Variants in MMRN2 observed in about 807,000 individuals in gnomAD.
The protein encoded by MMRN2 is multimerin 2.
MMRN2 carries 53 observed loss-of-function variants against 68.8 expected under a neutral mutation model. The ratio of observed to expected loss-of-function variants is 0.77; its 90% CI spans 0.62 to 0.97. The LOEUF (loss-of-function observed/expected upper bound fraction) is 0.97, where lower values mean the gene tolerates loss of function less well. Among genes scored for constraint, MMRN2 ranks in the 50% least tolerant of loss-of-function variants. The pLI is 0.00. For missense variants in MMRN2, 1,266 were observed against 1,259.5 expected (o/e 1.01, Z -0.08); for synonymous variants, 564 against 551.6 (o/e 1.02, Z -0.32).
chr10:86,936,467 G>A lies in MMRN2; in HGVS notation c.*276C>T. ...ATACAGGGTGTGGTGAAGAGTTGGAGCCCAGGCCGTGCTGTCTGAGAAGGC... is the reference window on the plus strand; with the variant it reads ...ATACAGGGTGTGGTGAAGAGTTGGAACCCAGGCCGTGCTGTCTGAGAAGGC... On this transcript the variant is annotated 3_prime_UTR_variant, in exon 7 of 7. Coordinates refer to ENST00000372027, the MANE Select transcript of MMRN2 (RefSeq NM_024756.3). The A allele has an allele frequency of 1.8e-6, 1 of 547,140 alleles. No homozygotes were observed. The highest frequency in any genetic ancestry group is 1.9e-5 in the African/African-American group (1 of 53,524). The allele number at this position is 547,140 out of a possible 1,614,324, so 33.9% of individuals were successfully genotyped here. A position where few individuals can be genotyped will look rare whatever the true frequency, so the allele number is the denominator to read the frequency against.
chr10:86,939,103 C>T lies in MMRN2; in HGVS notation c.2468-1978G>A, dbSNP rs146483262. Among the ~76,000 whole-genome samples, 12 of 133,488 alleles carry T rather than the reference C, an allele frequency of 9.0e-5. 1 individual carries two copies. Among genetic ancestry groups the T allele is most frequent in the African/African-American group, 3.4e-4 (12 of 35,596 alleles). The allele number at this position is 133,488 out of a possible 152,430, so 87.6% of individuals were successfully genotyped here. A position where few individuals can be genotyped will look rare whatever the true frequency, so the allele number is the denominator to read the frequency against. ...CTTGCACCCGGGAGGCGGAGGTTGCCGTGAGCCGAGATCACGCCGTTGCAC... is the reference window on the plus strand; with the variant it reads ...CTTGCACCCGGGAGGCGGAGGTTGCTGTGAGCCGAGATCACGCCGTTGCAC... On this transcript the variant is annotated intron_variant, in intron 6 of 6. Coordinates refer to ENST00000372027, the MANE Select transcript of MMRN2 (RefSeq NM_024756.3).
At chr10:86,952,880 C>A (rs1009747140) in intron 1 of MMRN2, among the ~76,000 whole-genome samples, 1 of 152,190 alleles carries the variant, frequency 6.6e-6, no homozygotes, top group African/African-American at 2.4e-5. Flanking sequence ...CAGTCCTTAT[C>A]ACAACCGCAT....
intron 1 of MMRN2, among the ~76,000 whole-genome samples, chr10:86,950,342 AAAT>A (rs914912383): frequency 1.8e-4 from 28 of 152,018 alleles, no homozygotes; most frequent in African/African-American, 6.8e-4. Context: ...TCCGTCTCAA[AAAT>A]AATAATAATA....
intron 6 of MMRN2, among the ~76,000 whole-genome samples, chr10:86,941,148 A>G (rs1337321945): frequency 1.3e-5 from 2 of 152,222 alleles, no homozygotes; most frequent in African/African-American, 4.8e-5. Context: ...AAGCCCAGGA[A>G]GGGGACTAGC....
Position 86,936,352 on chromosome 10 carries a change from G to A in MMRN2, c.*391C>T. ...AATGTCTTTCTATCATACGATAAGGGAGAAGAGAAGAGGAAGCAAGAGAAA... is the reference window on the plus strand; with the variant it reads ...AATGTCTTTCTATCATACGATAAGGAAGAAGAGAAGAGGAAGCAAGAGAAA... On this transcript the variant is annotated 3_prime_UTR_variant, in exon 7 of 7. Transcript: ENST00000372027. 1 of 439,266 alleles carries A rather than the reference G, an allele frequency of 2.3e-6. No individual in the cohort carries two copies. Among genetic ancestry groups the A allele is most frequent in the African/African-American group, 2.0e-5 (1 of 50,192 alleles). The allele number at this position is 439,266 out of a possible 1,614,324, so 27.2% of individuals were successfully genotyped here.
At chr10:86,955,048 G>A (rs1844199863) in intron 1 of MMRN2, among the ~76,000 whole-genome samples, 2 of 152,224 alleles carry the variant, frequency 1.3e-5, no homozygotes, top group South Asian at 4.1e-4. Context: ...CCTGCTGGCA[G>A]CAGCATCCCC....
chr10:86,942,761 CCGG>C lies in MMRN2; in HGVS notation c.2020_2022del (p.Pro674del). The C allele has an allele frequency of 7.3e-7, 1 of 1,377,222 alleles. No individual in the cohort carries two copies. The highest frequency in any genetic ancestry group is 9.3e-7 in the Non-Finnish European group (1 of 1,072,342). The allele number at this position is 1,377,222 out of a possible 1,614,324, so 85.3% of individuals were successfully genotyped here. On this transcript the variant is annotated inframe_deletion, in exon 6 of 7. Transcript: ENST00000372027. ...TCGTGGCTGGGCTCCAGGTGCTCTG[CCGG>C]CCGCGGGGGCTCCGAGGCCTGCTCC...
chr10:86,955,549 G>A (rs1844210083), intron 1 of MMRN2, among the ~76,000 whole-genome samples: 1 of 152,198 alleles, frequency 6.6e-6, no homozygotes, highest in Non-Finnish European at 1.5e-5. Context: ...AGAATGCCTG[G>A]CCCTGGCAGC....
chr10:86,945,502 G>A (rs1164251275), intron 2 of MMRN2, 26 bp from the exon 3 acceptor site: 11 of 1,557,506 alleles, frequency 7.1e-6, no homozygotes, highest in Non-Finnish European at 8.7e-6. Context: ...GGCTGGCTCA[G>A]TGATTCCAGG....
rs763491866 is a variant in MMRN2 at position 86,946,546 on chromosome 10, C to T, written c.165-857G>A. Reference sequence around the variant, plus strand: ...CACACCTGATAGGTAGCCCTTCCATCCTGGCCCTTCACCAGCATGTACTGT... The same window carrying T: ...CACACCTGATAGGTAGCCCTTCCATTCTGGCCCTTCACCAGCATGTACTGT... On this transcript the variant is annotated intron_variant, in intron 1 of 6. Coordinates refer to ENST00000372027, the MANE Select transcript of MMRN2 (RefSeq NM_024756.3). Among the ~76,000 whole-genome samples, 40 of 152,352 alleles carry T rather than the reference C, an allele frequency of 2.6e-4. No homozygotes were observed. The Middle Eastern group carries it at 0.01, about 39-fold the overall frequency.
chr10:86,945,520 C>G (rs371838562), intron 2 of MMRN2, 41 bp downstream of exon 2: 3 of 1,561,446 alleles, frequency 1.9e-6, no homozygotes, highest in Non-Finnish European at 2.6e-6. Flanking sequence ...AGGGAGGGCC[C>G]GCTCCAGGCC....
At chr10:86,953,306 T>A (rs376446240) in intron 1 of MMRN2, among the ~76,000 whole-genome samples, 9 of 152,268 alleles carry the variant, frequency 5.9e-5, no homozygotes, top group South Asian at 2.1e-4. Context: ...ATTAGGGAAG[T>A]GATAAATGTC....
chr10:86,944,620 C>A, intron 4 of MMRN2, 185 bp from the exon 5 acceptor site: 1 of 599,576 alleles, frequency 1.7e-6, no homozygotes, highest in African/African-American at 1.9e-5. Context: ...CTCACCCTGC[C>A]TCCTACACCT....
rs778253708 is a variant in MMRN2 at position 86,942,388 on chromosome 10, G to A, written c.2396C>T (p.Ala799Val). 3 of 1,614,030 alleles carry A rather than the reference G, an allele frequency of 1.9e-6. No homozygotes were observed. Among genetic ancestry groups the A allele is most frequent in the East Asian group, 4.5e-5 (2 of 44,876 alleles). The change falls in exon 6 of 7, where the codon GCG becomes GTG. Residue 799 changes from alanine to valine, a missense_variant. Physicochemically the swap from Ala to Val is moderately conservative, Grantham distance 64. Coordinates refer to ENST00000372027, the MANE Select transcript of MMRN2 (RefSeq NM_024756.3). ...GACCCGTATGTCCACCAAAGGCTCC[G>A]CTTCCTTCTTGTCCCTCTTCCGGGG... ...EAPRKRDKKEAEPLVDIRVTG... is the reference protein window; with the variant it reads ...EAPRKRDKKEVEPLVDIRVTG...
chr10:86,936,258 A>G lies in MMRN2; in HGVS notation c.*485T>C. The stretch of plus-strand genomic sequence containing the variant: ...AGACCAAGCAGGTTGGTTTAATCCC[A>G]TTGCCCTCTAGTGCTTTCCAATGTT... On this transcript the variant is annotated 3_prime_UTR_variant, in exon 7 of 7. Transcript: ENST00000372027. 1 of 413,452 alleles carries G rather than the reference A, an allele frequency of 2.4e-6. No individual in the cohort carries two copies. The highest frequency in any genetic ancestry group is 4.3e-6 in the Non-Finnish European group (1 of 234,702). 25.6% of individuals were successfully genotyped at this position (413,452 alleles called of 1,614,324 possible). A position where few individuals can be genotyped will look rare whatever the true frequency, so the allele number is the denominator to read the frequency against.
Position 86,943,380 on chromosome 10 carries a change from G to C in MMRN2, c.1404C>G (p.Leu468=), listed in dbSNP as rs775254447. Residue 468 remains leucine, a synonymous_variant, in exon 6 of 7, where the codon CTC becomes CTG. Coordinates refer to ENST00000372027, the MANE Select transcript of MMRN2 (RefSeq NM_024756.3). This position sits in a 1 kb window ranked among gnomAD's most constrained non-coding sequence, Gnocchi z 4.2. ...EENKEEVERQ[L]LELNLTLQHL... ...GCTGCAGCGTGAGGTTGAGCTCCAG[G>C]AGCTGCCGCTCCACCTCCTCCTTGT... 5.0e-6 allele frequency: 8 copies of C among 1,614,026 alleles called. No individual in the cohort carries two copies. In the East Asian group the frequency reaches 1.8e-4, roughly 36 times the overall value.
chr10:86,942,881 C>T lies in MMRN2; in HGVS notation c.1903G>A (p.Glu635Lys), dbSNP rs1589301429. The T allele has an allele frequency of 2.1e-6, 3 of 1,442,420 alleles. No individual in the cohort carries two copies. The highest frequency in any genetic ancestry group is 2.9e-5 in the East Asian group (1 of 34,972). The allele number at this position is 1,442,420 out of a possible 1,614,324, so 89.4% of individuals were successfully genotyped here. A position where few individuals can be genotyped will look rare whatever the true frequency, so the allele number is the denominator to read the frequency against. The change falls in exon 6 of 7, where the codon GAG (glutamate) becomes AAG (lysine). Residue 635 changes from glutamate (E) to lysine (K), a missense_variant. By Grantham distance (56) the Glu-to-Lys change is moderately conservative. Transcript: ENST00000372027. ...TCCTGCAGGGCCACGCGGATCTGCTCGTAGCTCAGGGGCAGCGGTCCCGGC... is the reference window on the plus strand; with the variant it reads ...TCCTGCAGGGCCACGCGGATCTGCTTGTAGCTCAGGGGCAGCGGTCCCGGC... ...QTPGPLPLSY[E>K]QIRVALQDAA...
At chr10:86,948,206 C>T (rs1844095827) in intron 1 of MMRN2, among the ~76,000 whole-genome samples, 1 of 135,230 alleles carries the variant, frequency 7.4e-6, no homozygotes, top group Admixed American at 8.4e-5. Flanking sequence ...AGCCTGGGTG[C>T]ACAGCAAAAC....
At chr10:86,948,429 G>T (rs911398760) in intron 1 of MMRN2, among the ~76,000 whole-genome samples, 5 of 151,958 alleles carry the variant, frequency 3.3e-5, no homozygotes, top group Admixed American at 6.6e-5. Context: ...GAGGAAGCGT[G>T]AGCATTCAGA....
Sources: gnomAD v4.1 joint callset for allele counts (sites outside exome capture counted in the v4.1 genomes callset) on GRCh38, gnomAD v4.1.1 for gene constraint, Gnocchi (gnomAD v3.1) non-coding constraint, MANE v1.5 for transcripts, NCBI Gene and HGNC (gene_info 2026-07-23, HGNC 2026-07-21) for gene names.